Variants in EDARADD observed in about 807,000 individuals in gnomAD.
EDARADD encodes the protein ectodysplasin-A receptor-associated adapter protein.
A neutral mutation model predicts 25.6 loss-of-function variants in EDARADD; 20 were observed. The ratio of observed to expected loss-of-function variants is 0.78; its 90% CI spans 0.55 to 1.14. The LOEUF (loss-of-function observed/expected upper bound fraction) is 1.14, where lower values mean the gene tolerates loss of function less well. Among genes scored for constraint, EDARADD ranks in the 50% most tolerant of loss-of-function variants. The pLI, the probability that EDARADD is intolerant of heterozygous loss-of-function variation, is 0.00. For synonymous variants in EDARADD, 86 were observed against 94.4 expected (o/e 0.91, Z 0.52); for missense variants, 225 against 270.1 (o/e 0.83, Z 1.17).
In EDARADD at chr1:236,484,565, T is replaced by C; in HGVS notation, c.*1916T>C. ...GCTCAAGACCCCCGAGCAACATTTG[T>C]AGGGGCCGCTGCTAGTTAGCTACCC... On this transcript the variant is annotated 3_prime_UTR_variant, in exon 6 of 6. Transcript: ENST00000334232. The surrounding 1 kb of genome is among the most constrained non-coding windows in gnomAD (Gnocchi z 4.1). 1.1e-6 allele frequency: 1 copy of C among 944,366 alleles called. No homozygotes were observed. The highest frequency in any genetic ancestry group is 2.0e-5 in the Admixed American group (1 of 49,860). 58.5% of individuals were successfully genotyped at this position (944,366 alleles called of 1,614,324 possible).
intron 4 of EDARADD, among the ~76,000 whole-genome samples, 154 bp from the exon 5 acceptor site, chr1:236,468,077 T>C (rs1037547189): frequency 6.6e-6 from 1 of 152,158 alleles, no homozygotes; most frequent in African/African-American, 2.4e-5. Context: ...GATGCTGAGT[T>C]CACCTCCCAT....
chr1:236,373,307 G>A (rs1410085674), intron 3 of EDARADD, among the ~76,000 whole-genome samples: 1 of 152,032 alleles, frequency 6.6e-6, no homozygotes, highest in Admixed American at 6.6e-5. Context: ...CCTGGTTCAA[G>A]CGATTCTCCT....
intron 4 of EDARADD, among the ~76,000 whole-genome samples, chr1:236,438,839 G>A (rs1273603458): frequency 6.6e-6 from 1 of 152,102 alleles, no homozygotes; most frequent in Non-Finnish European, 1.5e-5. Flanking sequence ...AACCTACGCT[G>A]ACACACCATT....
At chr1:236,441,282 T>TTATA (rs924802143) in intron 4 of EDARADD, among the ~76,000 whole-genome samples, 1 of 144,348 alleles carries the variant, frequency 6.9e-6, no homozygotes, top group African/African-American at 2.5e-5. Flanking sequence ...TATATATATA[T>TTATA]TATATATATA....
intron 4 of EDARADD, among the ~76,000 whole-genome samples, chr1:236,453,965 G>C (rs1010364019): frequency 6.6e-6 from 1 of 151,052 alleles, no homozygotes; most frequent in Non-Finnish European, 1.5e-5. Context: ...CCAATACATA[G>C]TGACTAGTTT....
chr1:236,408,748 T>TTTTCTTTC (rs898303491), intron 1 of EDARADD, among the ~76,000 whole-genome samples: 2 of 151,400 alleles, frequency 1.3e-5, no homozygotes, highest in African/African-American at 4.9e-5. Flanking sequence ...CCTATTTCTT[T>TTTTCTTTC]TTTCTTTCTT....
In EDARADD at chr1:236,398,857, C is replaced by A. The variant is rs949940438; in HGVS notation, c.61+4352C>A. On this transcript the variant is annotated intron_variant, in intron 1 of 5. Transcript: ENST00000334232. The surrounding 1 kb of genome is among the most constrained non-coding windows in gnomAD (Gnocchi z 4.1). ...GATTATTTGGCCACCGTGGCTATTT[C>A]CAGTAGGAAATAAACTCGTGGACAG... Among the ~76,000 whole-genome samples, 6 of 152,162 alleles carry A rather than the reference C, an allele frequency of 3.9e-5. No individual in the cohort carries two copies. The highest frequency in any genetic ancestry group is 1.4e-4 in the African/African-American group (6 of 41,428).
At chr1:236,396,607 G>A (rs970753580) in intron 1 of EDARADD, among the ~76,000 whole-genome samples, 1 of 152,162 alleles carries the variant, frequency 6.6e-6, no homozygotes, top group Non-Finnish European at 1.5e-5. Context: ...GTGTCTGCAG[G>A]TGGTCAGAAG....
intron 5 of EDARADD, among the ~76,000 whole-genome samples, chr1:236,475,133 C>CA (rs1200409040): frequency 1.3e-5 from 2 of 150,174 alleles, no homozygotes; most frequent in Non-Finnish European, 3.0e-5. Flanking sequence ...GACTCCGTCT[C>CA]AAAAAACAAA....
At chr1:236,461,892 G>T (rs538890824) in intron 4 of EDARADD, among the ~76,000 whole-genome samples, 1 of 152,306 alleles carries the variant, frequency 6.6e-6, no homozygotes, top group East Asian at 1.9e-4. Context: ...TGAAGAGCAT[G>T]TTTCACATTA....
intron 3 of EDARADD, among the ~76,000 whole-genome samples, chr1:236,373,221 T>C (rs1266056211): frequency 6.6e-6 from 1 of 151,174 alleles, no homozygotes; most frequent in East Asian, 1.9e-4. Context: ...AGCCTTCTTT[T>C]TTGAGACAGA....
rs1052838869 is a variant in EDARADD at position 236,426,442 on chromosome 1, C to T, written c.161-950C>T. ...GGACACTGCCCATCACACAGAGCCA[C>T]GCAGGGGGACACAGATGTTGTACTT... is the stretch of plus-strand genomic sequence containing the variant. On this transcript the variant is annotated intron_variant, in intron 3 of 5. Coordinates refer to ENST00000334232, the MANE Select transcript of EDARADD (RefSeq NM_145861.4). 6.6e-5 allele frequency among the ~76,000 whole-genome samples: 10 copies of T among 152,134 alleles called. No individual in the cohort carries two copies. The East Asian group carries it at 7.7e-4, about 12-fold the overall frequency.
chr1:236,366,608 G>A (rs144555854), intron 3 of EDARADD, among the ~76,000 whole-genome samples: 4 of 152,212 alleles, frequency 2.6e-5, no homozygotes, highest in South Asian at 2.1e-4. Context: ...TAACTGCTTC[G>A]GTCTCCCTAA....
Position 236,483,779 on chromosome 1 carries a change from C to A in EDARADD, c.*1130C>A. On this transcript the variant is annotated 3_prime_UTR_variant, in exon 6 of 6. Coordinates refer to ENST00000334232, the MANE Select transcript of EDARADD (RefSeq NM_145861.4). ...AGGAGAAATATGGGAAAGATGCCAC[C>A]GGTGTGGGGGATGGAGGCGCGTTTG... 1 of 1,472,800 alleles carries A rather than the reference C, an allele frequency of 6.8e-7. No individual in the cohort carries two copies. The highest frequency in any genetic ancestry group is 2.3e-5 in the East Asian group (1 of 44,006). 91.2% of individuals were successfully genotyped at this position (1,472,800 alleles called of 1,614,324 possible). A position where few individuals can be genotyped will look rare whatever the true frequency, so the allele number is the denominator to read the frequency against.
At chr1:236,404,739 G>T (rs1435089170) in intron 1 of EDARADD, among the ~76,000 whole-genome samples, 1 of 151,956 alleles carries the variant, frequency 6.6e-6, no homozygotes, top group African/African-American at 2.4e-5. Context: ...GGAGGTTGAG[G>T]CTGCAGTAAG....
At chr1:236,438,804 A>G (rs904953909) in intron 4 of EDARADD, among the ~76,000 whole-genome samples, 1 of 151,826 alleles carries the variant, frequency 6.6e-6, no homozygotes, top group African/African-American at 2.4e-5. Context: ...CCTGCATCGT[A>G]ACGGTGCGTT....
chr1:236,376,078 G>A (rs1402882499), intron 3 of EDARADD, among the ~76,000 whole-genome samples: 1 of 151,688 alleles, frequency 6.6e-6, no homozygotes, highest in East Asian at 2.0e-4. Context: ...GGGATTACAG[G>A]CATGCACCAC....
chr1:236,367,228 T>TATTTG, intron 3 of EDARADD, among the ~76,000 whole-genome samples: 1 of 151,072 alleles, frequency 6.6e-6, no homozygotes. Context: ...GTGTTTTATT[T>TATTTG]ATTTTATTTT....
At chr1:236,462,603 T>G (rs1659067811) in intron 4 of EDARADD, among the ~76,000 whole-genome samples, 1 of 152,136 alleles carries the variant, frequency 6.6e-6, no homozygotes, top group East Asian at 1.9e-4. Flanking sequence ...ATATTAAATC[T>G]CAGGTGTAAA....
Sources: allele counts gnomAD v4.1 joint callset (sites outside exome capture counted in the v4.1 genomes callset), GRCh38; gene constraint gnomAD v4.1.1; non-coding constraint Gnocchi (gnomAD v3.1); transcripts MANE v1.5; gene names NCBI Gene and HGNC (gene_info 2026-07-23, HGNC 2026-07-21).